The following MBNL2 variants were observed in gnomAD, a reference collection of about 807,000 sequenced individuals.
The protein encoded by MBNL2 is muscleblind like splicing regulator 2.
Under a neutral mutation model 41.9 loss-of-function variants are expected in MBNL2, and 17 were observed. The ratio of observed to expected loss-of-function variants is 0.41; its 90% CI spans 0.28 to 0.61. The LOEUF (loss-of-function observed/expected upper bound fraction) is 0.61. MBNL2 is among the 20% of genes least tolerant of loss of function. The pLI is 0.35. For synonymous variants in MBNL2, 195 were observed against 182.9 expected (o/e 1.07, Z -0.53); for missense variants, 336 against 505.6 (o/e 0.66, Z 3.22).
chr13:97,229,873 G>A (rs761836061), intron 1 of MBNL2, among the ~76,000 whole-genome samples: 6 of 152,186 alleles, frequency 3.9e-5, no homozygotes, highest in African/African-American at 1.2e-4. Flanking sequence ...TGATGTCACC[G>A]GCTAGAAAAC....
intron 1 of MBNL2, among the ~76,000 whole-genome samples, chr13:97,224,169 G>C (rs1410757): frequency 0.45 from 67,926 of 152,042 alleles, 18,532 homozygotes; most frequent in Non-Finnish European, 0.6. Context: ...CTCCCCCTTG[G>C]TGCAGCCCAG....
intron 7 of MBNL2, among the ~76,000 whole-genome samples, chr13:97,360,336 G>A (rs540831062): frequency 2.0e-5 from 3 of 152,274 alleles, no homozygotes; most frequent in Non-Finnish European, 4.4e-5. Flanking sequence ...CAAAATATGA[G>A]AGTCTTCTCC....
At chr13:97,312,006 A>G (rs908967020) in intron 2 of MBNL2, among the ~76,000 whole-genome samples, 8 of 152,210 alleles carry the variant, frequency 5.3e-5, no homozygotes, top group Non-Finnish European at 7.4e-5. Flanking sequence ...AATGAAACCA[A>G]CTGATGACTA....
chr13:97,306,914 C>G (rs908633932), intron 2 of MBNL2, among the ~76,000 whole-genome samples: 1 of 152,150 alleles, frequency 6.6e-6, no homozygotes, highest in Admixed American at 6.6e-5. Context: ...GATGGATTCT[C>G]AAAAGGATTT....
chr13:97,188,301 T>C, the MBNL2 span, among the ~76,000 whole-genome samples: 1 of 152,048 alleles, frequency 6.6e-6, no homozygotes, highest in Non-Finnish European at 1.5e-5. Context: ...CAAATAACAG[T>C]TCCTAAGTGG....
At chr13:97,295,169 AG>A (rs1303944554) in intron 2 of MBNL2, among the ~76,000 whole-genome samples, 2 of 152,204 alleles carry the variant, frequency 1.3e-5, no homozygotes, top group Non-Finnish European at 2.9e-5. Context: ...CTCTGTGTAA[AG>A]AACAGGGCCA....
At chr13:97,227,079 A>G (rs140932723) in intron 1 of MBNL2, among the ~76,000 whole-genome samples, 1 of 143,378 alleles carries the variant, frequency 7.0e-6, no homozygotes, top group South Asian at 2.2e-4. Context: ...AAAAAAAAAT[A>G]TATTTCCTTT....
chr13:97,148,249 T>C, the MBNL2 span, among the ~76,000 whole-genome samples: 1 of 152,282 alleles, frequency 6.6e-6, no homozygotes, highest in East Asian at 1.9e-4. Context: ...CCTAAAAAGG[T>C]AGCTCTGCAT....
Position 97,346,597 on chromosome 13 carries a change from C to A in MBNL2, c.541-207C>A, listed in dbSNP as rs780108800. Among the ~76,000 whole-genome samples the A allele has an allele frequency of 1.3e-5, 2 of 152,112 alleles. No homozygotes were observed. The highest frequency in any genetic ancestry group is 2.9e-5 in the Non-Finnish European group (2 of 68,034). On this transcript the variant is annotated intron_variant, in intron 4 of 8. Coordinates refer to ENST00000679496, the MANE Select transcript of MBNL2 (RefSeq NM_001382683.1). This position sits in a 1 kb window ranked among gnomAD's most constrained non-coding sequence, Gnocchi z 4.2. ...TTATTTTCTCAATATAGATTTTCAC[C>A]CTAGAAAAGGCGGTAAAACAAAACT... is the stretch of plus-strand genomic sequence containing the variant.
chr13:97,338,620 G>C (rs2061097433), intron 3 of MBNL2, among the ~76,000 whole-genome samples: 1 of 152,144 alleles, frequency 6.6e-6, no homozygotes. Flanking sequence ...GAATAGGACA[G>C]GAATTCTTCC....
chr13:97,384,366 T>A (rs1034380982), intron 8 of MBNL2, among the ~76,000 whole-genome samples: 1 of 152,240 alleles, frequency 6.6e-6, no homozygotes, highest in Non-Finnish European at 1.5e-5. Context: ...CATACTGTGA[T>A]TAAGTACTGA....
rs114866920 is a variant in MBNL2 at position 97,297,810 on chromosome 13, A to G, written c.174+21401A>G. Among the ~76,000 whole-genome samples the G allele has an allele frequency of 5.5e-3, 840 of 152,306 alleles. 11 individuals carry two copies. The highest frequency in any genetic ancestry group is 0.018 in the African/African-American group (768 of 41,568). ...AGAGGTCTGAATGCAGTTGCAGACG[A>G]AGTTTTAACTGTGGCTCTGCCTGTC... On this transcript the variant is annotated intron_variant, in intron 2 of 8. Transcript: ENST00000679496.
intron 8 of MBNL2, among the ~76,000 whole-genome samples, chr13:97,387,820 A>G (rs952214878): frequency 1.3e-5 from 2 of 152,160 alleles, no homozygotes; most frequent in Admixed American, 1.3e-4. Context: ...AAATTCTCAG[A>G]GCCTCCTGAA....
At chr13:97,174,780 G>T in the MBNL2 span, among the ~76,000 whole-genome samples, 1 of 152,160 alleles carries the variant, frequency 6.6e-6, no homozygotes, top group South Asian at 2.1e-4. Context: ...AAAAATGAAA[G>T]CAGAGACTCT....
chr13:97,342,881 TTATAG>T, intron 3 of MBNL2, 130 bp from the exon 4 acceptor site: 1 of 567,292 alleles, frequency 1.8e-6, no homozygotes, highest in Non-Finnish European at 3.1e-6. Flanking sequence ...GTCATTTTTA[TTATAG>T]GTCAGCATTG....
intron 1 of MBNL2, among the ~76,000 whole-genome samples, chr13:97,266,070 C>T (rs7329525): frequency 0.6 from 91,714 of 151,776 alleles, 27,958 homozygotes; most frequent in East Asian, 0.71. Context: ...GGTGAAGCCC[C>T]TTCTCTACTA....
At chr13:97,219,099 T>C (rs139061446), upstream of MBNL2, among the ~76,000 whole-genome samples, 1 of 152,278 alleles carries the variant, frequency 6.6e-6, no homozygotes, top group East Asian at 1.9e-4. Context: ...TGGGAGCTTG[T>C]TAGAAAAGCA....
rs145578339 is a variant in MBNL2 at position 97,286,413 on chromosome 13, T to C, written c.174+10004T>C. Among the ~76,000 whole-genome samples the C allele has an allele frequency of 2.6e-3, 399 of 152,254 alleles. 1 individual carries two copies. Among genetic ancestry groups the C allele is most frequent in the African/African-American group, 9.1e-3 (379 of 41,546 alleles). On this transcript the variant is annotated intron_variant, in intron 2 of 8. Coordinates refer to ENST00000679496, the MANE Select transcript of MBNL2 (RefSeq NM_001382683.1). ...AAACAGATCCTAAACTAGAGCACTT[T>C]TCATCACTTCTATCATGACCACCCC...
chr13:97,250,856 G>A (rs1470545653), intron 1 of MBNL2, among the ~76,000 whole-genome samples: 1 of 152,140 alleles, frequency 6.6e-6, no homozygotes, highest in Admixed American at 6.5e-5. Flanking sequence ...AAGATAGTAT[G>A]GAGGGAGTTT....
Sources: allele counts gnomAD v4.1 joint callset (sites outside exome capture counted in the v4.1 genomes callset), GRCh38; gene constraint gnomAD v4.1.1; non-coding constraint Gnocchi (gnomAD v3.1); transcripts MANE v1.5; gene names NCBI Gene and HGNC (gene_info 2026-07-23, HGNC 2026-07-21).